NAALADL2: variants seen among roughly 807,000 people sequenced by gnomAD.
The protein encoded by NAALADL2 is inactive N-acetylated-alpha-linked acidic dipeptidase-like protein 2.
In NAALADL2, 76 loss-of-function variants were observed where a neutral mutation model predicts 87.2. The ratio of observed to expected loss-of-function variants is 0.87; its 90% CI spans 0.72 to 1.05. NAALADL2 has a LOEUF of 1.05. NAALADL2 is among the 50% of genes least tolerant of loss of function. The pLI is 0.00. For missense variants in NAALADL2, 1,089 were observed against 945.8 expected, an observed-to-expected ratio of 1.15 and a Z score of -1.99; for synonymous variants, 354 against 331.0, an observed-to-expected ratio of 1.07 and a Z score of -0.75.
At chr3:175,753,523 AATT>A (rs144386296) in intron 12 of NAALADL2, among the ~76,000 whole-genome samples, 414 of 152,284 alleles carry the variant, frequency 2.7e-3, no homozygotes, top group African/African-American at 9.6e-3. Context: ...GAGAATAAAA[AATT>A]ATCATTTTAG....
chr3:174,746,019 C>G (rs1013698925), intron 3 of NAALADL2, among the ~76,000 whole-genome samples: 10 of 152,252 alleles, frequency 6.6e-5, no homozygotes, highest in African/African-American at 2.4e-4. Context: ...AAAACTGGCA[C>G]AAGACAAGGA....
chr3:174,739,387 A>C (rs1365916870), intron 3 of NAALADL2, among the ~76,000 whole-genome samples: 7 of 152,040 alleles, frequency 4.6e-5, no homozygotes, highest in African/African-American at 1.4e-4. Context: ...TCGGATGAAG[A>C]TTTTAGGGAG....
At position 174,498,386 on chromosome 3, in the gene NAALADL2, T is replaced by C. The variant is rs996810967; in HGVS notation, c.-183-52183T>C. 1.3e-4 allele frequency among the ~76,000 whole-genome samples: 20 copies of C among 152,060 alleles called. No homozygotes were observed. In the East Asian group the frequency reaches 3.9e-3, roughly 29 times the overall value. The stretch of plus-strand genomic sequence containing the variant: ...TATGTTTAAAAATATTTTTGTGGAG[T>C]AGTATTCCATTGTATAGATAAGCTT... On this transcript the variant is annotated intron_variant, in intron 1 of 3. Transcript: ENST00000434257.
chr3:175,768,505 A>G (rs1294998457), intron 13 of NAALADL2, among the ~76,000 whole-genome samples: 1 of 152,194 alleles, frequency 6.6e-6, no homozygotes, highest in African/African-American at 2.4e-5. Context: ...AAGGGATAGA[A>G]CCTGTTTGCA....
intron 12 of NAALADL2, among the ~76,000 whole-genome samples, chr3:175,749,321 T>C (rs904525757): frequency 1.3e-5 from 2 of 152,084 alleles, no homozygotes; most frequent in Admixed American, 6.5e-5. Flanking sequence ...GAGTTTATGC[T>C]AAGTTGAAAC....
At chr3:175,113,756 A>AT (rs1007534609) in intron 2 of NAALADL2, among the ~76,000 whole-genome samples, 6 of 151,442 alleles carry the variant, frequency 4.0e-5, no homozygotes, top group South Asian at 2.1e-4. Context: ...AGGATCCCCA[A>AT]TTTTTTTTAT....
intron 13 of NAALADL2, among the ~76,000 whole-genome samples, chr3:175,782,837 A>C (rs1184028422): frequency 1.3e-5 from 2 of 148,272 alleles, no homozygotes; most frequent in Non-Finnish European, 2.9e-5. Context: ...TTATGGTTTT[A>C]GGTCTAATGT....
chr3:175,181,718 T>TGTGTGTGTGTGTGTGTGTATGC (rs1553802465), intron 2 of NAALADL2, among the ~76,000 whole-genome samples: 1 of 72,416 alleles, frequency 1.4e-5, no homozygotes, highest in African/African-American at 4.6e-5. Context: ...TGTGTGTGTG[T>TGTGTGTGTGTGTGTGTGTATGC]ATATATATGT....
intron 11 of NAALADL2, among the ~76,000 whole-genome samples, chr3:175,654,073 A>G (rs891808905): frequency 2.0e-5 from 3 of 152,232 alleles, no homozygotes; most frequent in African/African-American, 7.2e-5. Context: ...TGACCCCTGG[A>G]TTTTATCATT....
intron 1 of NAALADL2, among the ~76,000 whole-genome samples, chr3:175,022,061 T>C (rs1184019413): frequency 6.6e-6 from 1 of 151,890 alleles, no homozygotes; most frequent in African/African-American, 2.4e-5. Context: ...ACCTCCTGCT[T>C]CTCTCTTGCT....
At chr3:175,773,645 T>C (rs1272448046) in intron 13 of NAALADL2, 2 of 152,178 alleles carry the variant, frequency 1.3e-5, no homozygotes, top group Non-Finnish European at 2.9e-5. Flanking sequence ...TAACTTTTCA[T>C]GTAGTTCAGG....
intron 1 of NAALADL2, among the ~76,000 whole-genome samples, chr3:174,934,674 A>G (rs958191713): frequency 1.3e-5 from 2 of 152,022 alleles, no homozygotes; most frequent in Non-Finnish European, 2.9e-5. Flanking sequence ...AAACATAAAC[A>G]ACAACAACAA....
intron 2 of NAALADL2, among the ~76,000 whole-genome samples, chr3:175,137,182 T>A (rs1318996008): frequency 6.6e-6 from 1 of 152,028 alleles, no homozygotes; most frequent in African/African-American, 2.4e-5. Flanking sequence ...TATGGAAAAA[T>A]TGAAAAATGC....
At chr3:174,958,046 T>C (rs1331670832) in intron 1 of NAALADL2, among the ~76,000 whole-genome samples, 2 of 151,906 alleles carry the variant, frequency 1.3e-5, no homozygotes, top group Non-Finnish European at 2.9e-5. Flanking sequence ...GCCTCTTCCA[T>C]GTAACCTTTC....
chr3:174,706,839 T>G (rs1730117469), intron 2 of NAALADL2, among the ~76,000 whole-genome samples: 1 of 152,196 alleles, frequency 6.6e-6, no homozygotes, highest in South Asian at 2.1e-4. Flanking sequence ...GGATCCAGTT[T>G]CAGCTTTCTA....
intron 9 of NAALADL2, among the ~76,000 whole-genome samples, chr3:175,537,674 T>C (rs1711524767): frequency 6.6e-6 from 1 of 152,186 alleles, no homozygotes. Flanking sequence ...AAAATTTACA[T>C]GTTGTGAGTA....
chr3:174,584,400 G>T (rs73042662), intron 2 of NAALADL2, among the ~76,000 whole-genome samples: 2,503 of 152,164 alleles, frequency 0.016, 70 homozygotes, highest in African/African-American at 0.056. Flanking sequence ...TTCTACAAGT[G>T]AAATCCCAGA....
chr3:175,255,408 G>T (rs759031238), intron 3 of NAALADL2, among the ~76,000 whole-genome samples: 1 of 152,160 alleles, frequency 6.6e-6, no homozygotes, highest in Non-Finnish European at 1.5e-5. Context: ...AGGATGGAAA[G>T]CTGGTGATCT....
chr3:174,902,148 A>G (rs1005384366), intron 1 of NAALADL2, among the ~76,000 whole-genome samples: 1 of 152,188 alleles, frequency 6.6e-6, no homozygotes, highest in East Asian at 1.9e-4. Context: ...TTTGTGTAGC[A>G]TAAGTCTAAG....
Sources: gnomAD v4.1 joint callset for allele counts (sites outside exome capture counted in the v4.1 genomes callset) on GRCh38, gnomAD v4.1.1 for gene constraint, MANE v1.5 for transcripts, NCBI Gene and HGNC (gene_info 2026-07-23, HGNC 2026-07-21) for gene names.